LINGO2: variants seen among roughly 807,000 people sequenced by gnomAD.
The protein encoded by LINGO2 is leucine rich repeat and Ig domain containing 2, also known as leucine-rich repeat and immunoglobulin-like domain-containing nogo receptor-interacting protein 2.
In LINGO2, 14 loss-of-function variants were observed where a neutral mutation model predicts 30.6. The observed-to-expected ratio is 0.46, with a 90% confidence interval of 0.30 to 0.72. The LOEUF is 0.72. Among genes scored for constraint, LINGO2 ranks in the 30% least tolerant of loss-of-function variants. The probability of loss-of-function intolerance (pLI) is 0.07; values close to 1 mark genes in which losing one functional copy is unlikely to be tolerated. For synonymous variants in LINGO2, 317 were observed against 288.5 expected, an observed-to-expected ratio of 1.10 and a Z score of -1.00; for missense variants, 729 against 751.7, an observed-to-expected ratio of 0.97 and a Z score of 0.35.
chr9:28,240,210 A>G (rs1821731486), intron 4 of LINGO2, among the ~76,000 whole-genome samples: 1 of 152,192 alleles, frequency 6.6e-6, no homozygotes, highest in Admixed American at 6.5e-5. Flanking sequence ...TACACAAAGC[A>G]ATCTATAGAT....
chr9:28,487,231 T>C (rs1303985520), intron 1 of LINGO2, among the ~76,000 whole-genome samples: 6 of 152,164 alleles, frequency 3.9e-5, no homozygotes, highest in African/African-American at 1.4e-4. Flanking sequence ...TAAGAGTTTA[T>C]AGAACACTGA....
chr9:28,163,230 A>G (rs1828336116), intron 4 of LINGO2, among the ~76,000 whole-genome samples: 1 of 152,130 alleles, frequency 6.6e-6, no homozygotes, highest in South Asian at 2.1e-4. Context: ...AGTTATTTCT[A>G]GATTTGAGGA....
At chr9:29,188,605 G>C in the LINGO2 span, among the ~76,000 whole-genome samples, 1 of 152,162 alleles carries the variant, frequency 6.6e-6, no homozygotes, top group Non-Finnish European at 1.5e-5. Flanking sequence ...TCCCAGACCG[G>C]GTCGTGGCCG....
chr9:29,019,519 G>A, the LINGO2 span, among the ~76,000 whole-genome samples: 1 of 152,052 alleles, frequency 6.6e-6, no homozygotes, highest in Non-Finnish European at 1.5e-5. Flanking sequence ...TTCCCTTCTG[G>A]TCTCCACTCC....
chr9:28,828,358 T>C, the LINGO2 span, among the ~76,000 whole-genome samples: 1 of 152,210 alleles, frequency 6.6e-6, no homozygotes, highest in East Asian at 1.9e-4. Context: ...ATTTTAGATA[T>C]TTTAATATAT....
At chr9:28,601,314 A>G (rs961393145) in intron 1 of LINGO2, among the ~76,000 whole-genome samples, 7 of 152,186 alleles carry the variant, frequency 4.6e-5, no homozygotes. Context: ...CTCCAAATTT[A>G]GGCTTATTCC....
chr9:28,084,609 G>T (rs1009662340), intron 4 of LINGO2, among the ~76,000 whole-genome samples: 3 of 152,016 alleles, frequency 2.0e-5, no homozygotes, highest in African/African-American at 4.8e-5. Context: ...AGAAGCTTTG[G>T]CTCATTTTGT....
intron 1 of LINGO2, among the ~76,000 whole-genome samples, chr9:28,590,184 C>T (rs900790863): frequency 6.6e-6 from 1 of 151,460 alleles, no homozygotes; most frequent in African/African-American, 2.4e-5. Context: ...ACATGTTAGA[C>T]CTAAAACCAT....
At chr9:28,803,238 A>C in the LINGO2 span, among the ~76,000 whole-genome samples, 357 of 152,092 alleles carry the variant, frequency 2.3e-3, no homozygotes, top group African/African-American at 8.1e-3. Context: ...AGAAGTTTTA[A>C]AAAATGAAAC....
intron 1 of LINGO2, among the ~76,000 whole-genome samples, chr9:28,508,884 T>C (rs1445107955): frequency 1.3e-5 from 2 of 152,120 alleles, no homozygotes; most frequent in Non-Finnish European, 2.9e-5. Flanking sequence ...TGAGCATAGA[T>C]GTCATCATCC....
At chr9:29,108,864 G>A in the LINGO2 span, among the ~76,000 whole-genome samples, 23 of 152,286 alleles carry the variant, frequency 1.5e-4, no homozygotes, top group Middle Eastern at 6.8e-3. Flanking sequence ...GGCAAAATGT[G>A]TGATTGCAAA....
chr9:29,039,825 T>C, the LINGO2 span, among the ~76,000 whole-genome samples: 1 of 152,112 alleles, frequency 6.6e-6, no homozygotes, highest in Non-Finnish European at 1.5e-5. Flanking sequence ...AACAAAGCGC[T>C]TGAAAAATCA....
In LINGO2 at chr9:28,142,946, T is replaced by C. The variant is rs564445989; in HGVS notation, c.-86-130541A>G. On this transcript the variant is annotated intron_variant, in intron 4 of 5. Coordinates refer to ENST00000379992, the Ensembl canonical transcript of LINGO2. ...ATTCTCATTATAAATCAACTTCCTA[T>C]GCTGGTCTATGGGGAGTTTTGTTAT... Among the ~76,000 whole-genome samples, 483 of 152,304 alleles carry C rather than the reference T, an allele frequency of 3.2e-3. 3 individuals carry two copies. The highest frequency in any genetic ancestry group is 6.8e-3 in the Middle Eastern group (2 of 294).
the LINGO2 span, among the ~76,000 whole-genome samples, chr9:28,952,244 T>C: frequency 1.3e-5 from 2 of 152,052 alleles, no homozygotes; most frequent in Admixed American, 1.3e-4. Flanking sequence ...AAATCATGGG[T>C]TCAATATCTA....
At chr9:28,073,182 G>A (rs1825529844) in intron 4 of LINGO2, among the ~76,000 whole-genome samples, 1 of 151,966 alleles carries the variant, frequency 6.6e-6, no homozygotes, top group African/African-American at 2.4e-5. Context: ...ACCAGCAGCT[G>A]ACGGGATGGA....
intron 2 of LINGO2, among the ~76,000 whole-genome samples, chr9:28,430,537 T>C (rs1434861710): frequency 6.6e-6 from 1 of 152,192 alleles, no homozygotes; most frequent in Non-Finnish European, 1.5e-5. Flanking sequence ...TCTCCTTAAC[T>C]TTTAAATTCA....
chr9:28,119,858 C>G (rs146492325), intron 4 of LINGO2, among the ~76,000 whole-genome samples: 111 of 152,252 alleles, frequency 7.3e-4, no homozygotes, highest in Non-Finnish European at 1.3e-3. Context: ...TAAACAAGCA[C>G]AAAAACACCC....
chr9:28,755,332 T>C, the LINGO2 span, among the ~76,000 whole-genome samples: 1,188 of 152,204 alleles, frequency 7.8e-3, 11 homozygotes, highest in Non-Finnish European at 0.013. Context: ...AGCTTTTCTA[T>C]TTACTAGCTC....
the LINGO2 span, among the ~76,000 whole-genome samples, chr9:28,885,354 T>TACACACACACACACACACAC: frequency 1.9e-4 from 9 of 47,054 alleles, no homozygotes; most frequent in Non-Finnish European, 3.7e-4. Flanking sequence ...GGGAGATATA[T>TACACACACACACACACACAC]ATATATACAC....
Sources: allele counts gnomAD v4.1 joint callset (sites outside exome capture counted in the v4.1 genomes callset), GRCh38; gene constraint gnomAD v4.1.1; transcripts MANE v1.5; gene names NCBI Gene and HGNC (gene_info 2026-07-23, HGNC 2026-07-21).